The following MYLK variants were observed in gnomAD, a reference collection of about 807,000 sequenced individuals.
MYLK encodes the protein myosin light chain kinase.
Under a neutral mutation model 203.4 loss-of-function variants are expected in MYLK, and 106 were observed. The observed-to-expected ratio is 0.52, with a 90% CI of 0.45 to 0.61. The LOEUF (loss-of-function observed/expected upper bound fraction) is 0.61. Among genes scored for constraint, MYLK ranks in the 20% least tolerant of loss-of-function variants. The pLI, the probability that MYLK is intolerant of heterozygous loss-of-function variation, is 0.00. For synonymous variants in MYLK, 867 were observed against 959.5 expected, an observed-to-expected ratio of 0.90 and a Z score of 1.78; for missense variants, 2,072 against 2,442.3, an observed-to-expected ratio of 0.85 and a Z score of 3.20.
At chr3:123,805,368 C>A (rs1345171713) in intron 3 of MYLK, among the ~76,000 whole-genome samples, 1 of 152,186 alleles carries the variant, frequency 6.6e-6, no homozygotes, top group African/African-American at 2.4e-5. Flanking sequence ...TTGGTTAGCA[C>A]TGACAGGAGA....
At chr3:123,712,562 G>A (rs543077323) in intron 13 of MYLK, among the ~76,000 whole-genome samples, 1 of 152,322 alleles carries the variant, frequency 6.6e-6, no homozygotes, top group Non-Finnish European at 1.5e-5. Context: ...GCAAAGCCAA[G>A]TCACCCTGTG....
At chr3:123,757,941 T>C (rs114767588) in intron 4 of MYLK, among the ~76,000 whole-genome samples, 7 of 151,458 alleles carry the variant, frequency 4.6e-5, no homozygotes, top group Non-Finnish European at 8.8e-5. Flanking sequence ...AACTGAAAAA[T>C]AGTAGGAAAT....
intron 19 of MYLK, chr3:123,692,405 T>A (rs2060713253): frequency 8.3e-7 from 1 of 1,202,278 alleles, no homozygotes; most frequent in Non-Finnish European, 1.1e-6. Flanking sequence ...TACTCTGTAG[T>A]CATTTTCCTG....
In MYLK at chr3:123,638,161, G is replaced by A; in HGVS notation, c.4871C>T (p.Thr1624Ile). Residue 1624 changes from threonine to isoleucine, a missense_variant, in exon 29 of 34, where the codon ACC (threonine) becomes ATC (isoleucine). Coordinates refer to ENST00000360304, the MANE Select transcript of MYLK (RefSeq NM_053025.4). The stretch of plus-strand genomic sequence containing the variant: ...CACTTCAGGAGCCACAAATTCTGGG[G>A]TGCCAAAGAGGACCTTCAGAGACCC... ...NAGSLKVLFG[T>I]PEFVAPEVIN... The A allele has an allele frequency of 6.2e-7, 1 of 1,614,036 alleles. No homozygotes were observed. The highest frequency in any genetic ancestry group is 8.5e-7 in the Non-Finnish European group (1 of 1,180,024).
chr3:123,776,630 C>T (rs1486884951), intron 4 of MYLK, among the ~76,000 whole-genome samples: 1 of 152,082 alleles, frequency 6.6e-6, no homozygotes, highest in Non-Finnish European at 1.5e-5. Context: ...TTGAAAAATG[C>T]TATGTTGGCT....
chr3:123,749,052 C>T (rs539539180), intron 5 of MYLK, among the ~76,000 whole-genome samples: 3 of 151,282 alleles, frequency 2.0e-5, no homozygotes, highest in South Asian at 2.1e-4. Context: ...CTGGGTGACA[C>T]GGCAAGACCC....
In MYLK at chr3:123,640,764, GGT is replaced by G. The variant is rs771784331; in HGVS notation, c.4620-262_4620-261del. On this transcript the variant is annotated intron_variant, in intron 27 of 33. Coordinates refer to ENST00000360304, the MANE Select transcript of MYLK (RefSeq NM_053025.4). The surrounding 1 kb of genome is among the most constrained non-coding windows in gnomAD (Gnocchi z 4.3). ...AGCATCTACACTAGGCAGTTTCAGA[GGT>G]GGGTGTGAACACAGAGATCCAGACA... is the stretch of plus-strand genomic sequence containing the variant. 1.5e-4 allele frequency among the ~76,000 whole-genome samples: 23 copies of G among 152,224 alleles called. No individual in the cohort carries two copies. The highest frequency in any genetic ancestry group is 2.9e-4 in the Non-Finnish European group (20 of 68,034).
intron 1 of MYLK, among the ~76,000 whole-genome samples, chr3:123,883,454 T>C (rs2033669500): frequency 6.6e-6 from 1 of 151,906 alleles, no homozygotes; most frequent in East Asian, 1.9e-4. Context: ...AAAAAAAATA[T>C]ATATCCTTGA....
chr3:123,775,805 G>A (rs1052661843), intron 4 of MYLK, among the ~76,000 whole-genome samples: 4 of 152,202 alleles, frequency 2.6e-5, no homozygotes, highest in Non-Finnish European at 5.9e-5. Flanking sequence ...ATCAGTGAAA[G>A]TCAGTGAACC....
chr3:123,783,576 C>A (rs1386020928), intron 4 of MYLK, among the ~76,000 whole-genome samples: 1 of 152,150 alleles, frequency 6.6e-6, no homozygotes, highest in African/African-American at 2.4e-5. Flanking sequence ...ACTGAGTCTT[C>A]TTGCAGGCAT....
Position 123,733,099 on chromosome 3 carries a change from G to A in MYLK, c.1313C>T (p.Ser438Phe). ...NQTVKFRCEV[S>F]GIPKPEVAWF... is the part of the protein sequence containing the mutation. ...GGCCACTTCAGGCTTTGGAATCCCG[G>A]AAACTACAGGGCCAGGTAAAGAACG... The change falls in exon 11 of 34, where the codon TCC becomes TTC. Residue 438 changes from serine to phenylalanine, a missense_variant. This residue lies in a region of MYLK where 683 missense variants were observed against 643.8 expected (regional missense o/e 1.06). Coordinates refer to ENST00000360304, the MANE Select transcript of MYLK (RefSeq NM_053025.4). 2 of 1,613,654 alleles carry A rather than the reference G, an allele frequency of 1.2e-6. No homozygotes were observed. Among genetic ancestry groups the A allele is most frequent in the Non-Finnish European group, 1.7e-6 (2 of 1,179,872 alleles).
At chr3:123,842,385 C>G (rs957377514) in intron 2 of MYLK, among the ~76,000 whole-genome samples, 4 of 152,134 alleles carry the variant, frequency 2.6e-5, no homozygotes, top group Non-Finnish European at 5.9e-5. Context: ...TCCAATATCA[C>G]AGCTCAGAAT....
At chr3:123,785,850 T>A (rs2064491167) in intron 4 of MYLK, among the ~76,000 whole-genome samples, 1 of 152,238 alleles carries the variant, frequency 6.6e-6, no homozygotes, top group Non-Finnish European at 1.5e-5. Context: ...TCAATTTTAT[T>A]TAATTTAAAT....
At chr3:123,838,897 C>A (rs953492845) in intron 2 of MYLK, among the ~76,000 whole-genome samples, 5 of 152,036 alleles carry the variant, frequency 3.3e-5, no homozygotes, top group South Asian at 4.1e-4. Context: ...GAGTTTGAGA[C>A]CAGCCTGGCC....
chr3:123,836,464 C>T (rs2066477471), intron 2 of MYLK, among the ~76,000 whole-genome samples: 2 of 152,048 alleles, frequency 1.3e-5, no homozygotes, highest in Non-Finnish European at 2.9e-5. Flanking sequence ...CTTTATTTTG[C>T]TTAATATATT....
chr3:123,776,181 G>A (rs541834296), intron 4 of MYLK, among the ~76,000 whole-genome samples: 1 of 152,202 alleles, frequency 6.6e-6, no homozygotes, highest in Non-Finnish European at 1.5e-5. Context: ...TCTACTGAAG[G>A]ATTCTTGGTT....
At chr3:123,822,528 C>T (rs1257237289) in intron 3 of MYLK, among the ~76,000 whole-genome samples, 1 of 152,190 alleles carries the variant, frequency 6.6e-6, no homozygotes, top group African/African-American at 2.4e-5. Context: ...GTCATGTGTA[C>T]TTTACAGAGT....
rs558217927 is a variant in MYLK at position 123,657,394 on chromosome 3, G to A, written c.4020C>T (p.Ala1340=). Residue 1340 remains alanine (A), a synonymous_variant, in exon 24 of 34, where the codon GCC becomes GCT. Transcript: ENST00000360304. ...KPDPPAGTPC[A]SDIRSSSLTL... Reference sequence around the variant, plus strand: ...TCAGTGAGGAGCTCCGAATGTCAGAGGCACAAGGTGTGCCAGCTGGGGGGT... The same window carrying A: ...TCAGTGAGGAGCTCCGAATGTCAGAAGCACAAGGTGTGCCAGCTGGGGGGT... 6.2e-7 allele frequency: 1 copy of A among 1,613,848 alleles called. No individual in the cohort carries two copies. Among genetic ancestry groups the A allele is most frequent in the Middle Eastern group, 1.7e-4 (1 of 5,852 alleles).
At chr3:123,701,564 G>C in intron 16 of MYLK, 55 bp from the exon 17 acceptor site, 1 of 1,554,286 alleles carries the variant, frequency 6.4e-7, no homozygotes, top group Non-Finnish European at 8.9e-7. Context: ...CAAAGGGCCT[G>C]TTCAGTGTGG....
Sources: allele counts gnomAD v4.1 joint callset (sites outside exome capture counted in the v4.1 genomes callset), GRCh38; gene constraint gnomAD v4.1.1; regional missense constraint gnomAD v4.1.1; non-coding constraint Gnocchi (gnomAD v3.1); transcripts MANE v1.5; gene names NCBI Gene and HGNC (gene_info 2026-07-23, HGNC 2026-07-21).